Variants in OPCML observed in about 807,000 individuals in gnomAD.
OPCML encodes opioid-binding protein/cell adhesion molecule.
A neutral mutation model predicts 37.8 loss-of-function variants in OPCML; 13 were observed. The observed-to-expected ratio is 0.34, with a 90% CI of 0.22 to 0.55. The LOEUF is 0.55. OPCML is among the 20% of genes least tolerant of loss of function. The pLI is 0.91. For missense variants in OPCML, 341 were observed against 435.6 expected (o/e 0.78, Z 1.93); for synonymous variants, 176 against 168.8 (o/e 1.04, Z -0.33).
At chr11:132,440,142 T>C (rs1018189238) in intron 4 of OPCML, among the ~76,000 whole-genome samples, 7 of 152,204 alleles carry the variant, frequency 4.6e-5, no homozygotes, top group African/African-American at 1.7e-4. Flanking sequence ...GGGATTTGTT[T>C]TCACTGTCTG....
chr11:133,259,739 T>C (rs1057446950), intron 1 of OPCML, among the ~76,000 whole-genome samples: 4 of 152,240 alleles, frequency 2.6e-5, no homozygotes, highest in Non-Finnish European at 5.9e-5. Flanking sequence ...CTTATCTTGC[T>C]GAGAGAAAAC....
intron 2 of OPCML, among the ~76,000 whole-genome samples, chr11:132,888,176 G>A (rs1376184676): frequency 2.0e-5 from 3 of 152,166 alleles, no homozygotes; most frequent in East Asian, 3.9e-4. Flanking sequence ...CTGGTTTGAC[G>A]TTCAGTTCCC....
At chr11:132,457,146 G>T (rs921481290) in intron 4 of OPCML, among the ~76,000 whole-genome samples, 3 of 152,164 alleles carry the variant, frequency 2.0e-5, no homozygotes, top group South Asian at 4.1e-4. Flanking sequence ...TTTTGAAAGG[G>T]CATTCCAGGC....
intron 1 of OPCML, among the ~76,000 whole-genome samples, chr11:133,218,213 T>C (rs36002533): frequency 0.32 from 48,225 of 151,870 alleles, 8,241 homozygotes; most frequent in African/African-American, 0.41. Context: ...TAATCCAAAT[T>C]GGAATCAAGT....
chr11:133,359,131 A>G (rs1263283669), intron 1 of OPCML, among the ~76,000 whole-genome samples: 2 of 152,210 alleles, frequency 1.3e-5, no homozygotes, highest in Non-Finnish European at 2.9e-5. Context: ...CTCCTATATT[A>G]AAGTGTTTGA....
At chr11:133,512,251 C>T (rs1227165309) in intron 1 of OPCML, among the ~76,000 whole-genome samples, 1 of 152,236 alleles carries the variant, frequency 6.6e-6, no homozygotes, top group Admixed American at 6.5e-5. Context: ...GATTCCCACA[C>T]CTACCACCCA....
At chr11:133,061,837 C>T (rs1313543462) in intron 1 of OPCML, among the ~76,000 whole-genome samples, 2 of 147,984 alleles carry the variant, frequency 1.4e-5, no homozygotes, top group Non-Finnish European at 3.0e-5. Context: ...AGTTCCATTT[C>T]GTTTGTTTTC....
chr11:133,013,960 G>A (rs560008750), intron 1 of OPCML, among the ~76,000 whole-genome samples: 18 of 152,294 alleles, frequency 1.2e-4, no homozygotes, highest in Non-Finnish European at 2.2e-4. Context: ...CTTAAAAGTA[G>A]GACATAGATT....
intron 4 of OPCML, among the ~76,000 whole-genome samples, chr11:132,438,749 G>A (rs1304649252): frequency 6.6e-6 from 1 of 151,988 alleles, no homozygotes; most frequent in Non-Finnish European, 1.5e-5. Context: ...CTAGTGTGTA[G>A]TGTGTAAGGT....
chr11:132,983,845 T>A (rs1435775049), intron 1 of OPCML, among the ~76,000 whole-genome samples: 2 of 152,216 alleles, frequency 1.3e-5, no homozygotes, highest in Non-Finnish European at 1.5e-5. Context: ...CTATTAACAT[T>A]CTACTGGTAA....
Position 132,907,174 on chromosome 11 carries a change from G to A in OPCML, c.146+35752C>T, listed in dbSNP as rs7113668. On this transcript the variant is annotated intron_variant, in intron 2 of 7. Coordinates refer to ENST00000524381, the MANE Select transcript of OPCML (RefSeq NM_001012393.5). The stretch of plus-strand genomic sequence containing the variant: ...CGTCACTGACTCCCAACAGGGGGCC[G>A]CAGCTCCTTTTGCAATATGAACCCT... Among the ~76,000 whole-genome samples, 1,120 of 152,160 alleles carry A rather than the reference G, an allele frequency of 7.4e-3. 20 individuals carry two copies. Among genetic ancestry groups the A allele is most frequent in the African/African-American group, 0.026 (1,077 of 41,526 alleles).
chr11:132,684,734 C>G (rs1943096545), intron 2 of OPCML, among the ~76,000 whole-genome samples: 2 of 152,148 alleles, frequency 1.3e-5, no homozygotes, highest in South Asian at 4.1e-4. Context: ...AATCTTTGTT[C>G]TTGTGGAGCT....
intron 1 of OPCML, among the ~76,000 whole-genome samples, chr11:133,224,416 C>T (rs958518888): frequency 3.9e-5 from 6 of 152,326 alleles, no homozygotes; most frequent in South Asian, 2.1e-4. Flanking sequence ...GGGCTTGTTC[C>T]GCTGTTCTTC....
chr11:133,111,855 C>T (rs1003337178), intron 1 of OPCML, among the ~76,000 whole-genome samples: 5 of 152,156 alleles, frequency 3.3e-5, no homozygotes, highest in Non-Finnish European at 7.3e-5. Context: ...CTTTGATTGA[C>T]ACCTGTTAAT....
At chr11:132,438,348 C>A (rs1403882076) in intron 4 of OPCML, among the ~76,000 whole-genome samples, 1 of 152,212 alleles carries the variant, frequency 6.6e-6, no homozygotes, top group African/African-American at 2.4e-5. Context: ...TTCTTATAGG[C>A]CTGCAGTCCT....
chr11:133,285,793 T>C (rs1942278519), intron 1 of OPCML, among the ~76,000 whole-genome samples: 1 of 152,208 alleles, frequency 6.6e-6, no homozygotes, highest in Non-Finnish European at 1.5e-5. Context: ...TCCTAACTAA[T>C]GGAAGCATAT....
At chr11:132,438,098 A>T (rs2096019256) in intron 4 of OPCML, among the ~76,000 whole-genome samples, 1 of 152,190 alleles carries the variant, frequency 6.6e-6, no homozygotes, top group Non-Finnish European at 1.5e-5. Context: ...TACTTGTGAA[A>T]CTTGTCATTT....
At chr11:132,846,344 A>G (rs1188187800) in intron 2 of OPCML, among the ~76,000 whole-genome samples, 1 of 152,178 alleles carries the variant, frequency 6.6e-6, no homozygotes, top group Non-Finnish European at 1.5e-5. Context: ...TGGTATAAAC[A>G]TGGTTCCCAA....
At chr11:132,835,387 T>G (rs540573699) in intron 2 of OPCML, among the ~76,000 whole-genome samples, 13 of 152,314 alleles carry the variant, frequency 8.5e-5, no homozygotes, top group Admixed American at 6.5e-4. Context: ...ATATTATGAT[T>G]AAATCAGAAG....
Sources: gnomAD v4.1 joint callset for allele counts (sites outside exome capture counted in the v4.1 genomes callset) on GRCh38, gnomAD v4.1.1 for gene constraint, MANE v1.5 for transcripts, NCBI Gene and HGNC (gene_info 2026-07-23, HGNC 2026-07-21) for gene names.